BDH1: variants seen among roughly 807,000 people sequenced by gnomAD.
BDH1 encodes D-beta-hydroxybutyrate dehydrogenase, mitochondrial.
Under a neutral mutation model 33.1 loss-of-function variants are expected in BDH1, and 30 were observed. The observed-to-expected ratio is 0.91, with a 90% CI of 0.68 to 1.23. The LOEUF (loss-of-function observed/expected upper bound fraction) is 1.23, where lower values mean the gene tolerates loss of function less well. BDH1 is among the 50% of genes most tolerant of loss of function. The probability of loss-of-function intolerance (pLI) is 0.00; values close to 1 mark genes in which losing one functional copy is unlikely to be tolerated. For synonymous variants in BDH1, 190 were observed against 183.6 expected (o/e 1.03, Z -0.28); for missense variants, 443 against 464.4 (o/e 0.95, Z 0.42).
chr3:197,549,171 C>T (rs556263404), intron 2 of BDH1, among the ~76,000 whole-genome samples: 1 of 152,292 alleles, frequency 6.6e-6, no homozygotes, highest in African/African-American at 2.4e-5. Context: ...CCTGAGGTGA[C>T]TGAGCACAGG....
Position 197,554,839 on chromosome 3 carries a change from G to T in BDH1, c.-195-126C>A, listed in dbSNP as rs548838299. On this transcript the variant is annotated intron_variant, in intron 1 of 7. Coordinates refer to ENST00000392379, the MANE Select transcript of BDH1 (RefSeq NM_203314.3). This position sits in a 1 kb window ranked among gnomAD's most constrained non-coding sequence, Gnocchi z 4.4. ...CGCCCAAGGCGCCTGGGCCGCTAGGGACCGACCGGAGCGCTCAAACCCACA... is the reference window on the plus strand; with the variant it reads ...CGCCCAAGGCGCCTGGGCCGCTAGGTACCGACCGGAGCGCTCAAACCCACA... The T allele has an allele frequency of 6.6e-6, 1 of 152,398 alleles. No individual in the cohort carries two copies. Among genetic ancestry groups the T allele is most frequent in the East Asian group, 1.9e-4 (1 of 5,186 alleles). 9.4% of individuals were successfully genotyped at this position (152,398 alleles called of 1,614,324 possible).
At chr3:197,553,852 T>C (rs1262841616) in intron 2 of BDH1, among the ~76,000 whole-genome samples, 2 of 152,152 alleles carry the variant, frequency 1.3e-5, no homozygotes, top group African/African-American at 4.8e-5. Flanking sequence ...ACAGATTGAG[T>C]GTAGGATATG....
At chr3:197,550,999 T>C (rs1716521005) in intron 2 of BDH1, among the ~76,000 whole-genome samples, 1 of 152,246 alleles carries the variant, frequency 6.6e-6, no homozygotes, top group Non-Finnish European at 1.5e-5. Flanking sequence ...GCATACAATG[T>C]GTAATAATCA....
intron 1 of BDH1, among the ~76,000 whole-genome samples, chr3:197,562,506 T>C (rs1178324462): frequency 6.6e-6 from 1 of 152,178 alleles, no homozygotes; most frequent in Non-Finnish European, 1.5e-5. Flanking sequence ...CCCTGCAACA[T>C]GCAGTGGCCC....
chr3:197,532,228 T>C (rs1004797602), intron 5 of BDH1, among the ~76,000 whole-genome samples, 184 bp downstream of exon 5: 4 of 152,084 alleles, frequency 2.6e-5, no homozygotes, highest in African/African-American at 9.7e-5. Flanking sequence ...GATGGATGGA[T>C]GGATGGATGC....
At position 197,520,881 on chromosome 3, in the gene BDH1, G is replaced by A. The variant is rs1173513936; in HGVS notation, c.409+1759C>T. ...GTTAATTATTAAACAGATGTTCAGC[G>A]AGAACAGAGAACAGAGAGGCCTGTG... On this transcript the variant is annotated intron_variant, in intron 6 of 7. Transcript: ENST00000392379. The surrounding 1 kb of genome is among the most constrained non-coding windows in gnomAD (Gnocchi z 6.0). Among the ~76,000 whole-genome samples, 3 of 152,156 alleles carry A rather than the reference G, an allele frequency of 2.0e-5. No homozygotes were observed. The highest frequency in any genetic ancestry group is 2.4e-5 in the African/African-American group (1 of 41,422).
chr3:197,548,097 G>A (rs1423231660), intron 2 of BDH1, among the ~76,000 whole-genome samples: 1 of 152,252 alleles, frequency 6.6e-6, no homozygotes, highest in Non-Finnish European at 1.5e-5. Flanking sequence ...GAGTCCCTGG[G>A]GAGTGGATGG....
chr3:197,523,008 T>A lies in BDH1; in HGVS notation c.268-227A>T. The A allele has an allele frequency of 3.9e-6, 2 of 514,484 alleles. No homozygotes were observed. The highest frequency in any genetic ancestry group is 6.7e-6 in the Non-Finnish European group (2 of 296,464). 31.9% of individuals were successfully genotyped at this position (514,484 alleles called of 1,614,324 possible). On this transcript the variant is annotated intron_variant, in intron 5 of 7. Coordinates refer to ENST00000392379, the MANE Select transcript of BDH1 (RefSeq NM_203314.3). This position sits in a 1 kb window ranked among gnomAD's most constrained non-coding sequence, Gnocchi z 4.5. ...GCCACAGACACAACCATGAATAGGA[T>A]GAAGAGCCGGCCCCCAAGGCCTCAA...
chr3:197,567,223 CT>C (rs563430201), intron 1 of BDH1, among the ~76,000 whole-genome samples: 1 of 152,112 alleles, frequency 6.6e-6, no homozygotes, highest in Non-Finnish European at 1.5e-5. Context: ...TCCTAAAATG[CT>C]TTCTCCAAAA....
chr3:197,551,979 C>T (rs929965187), intron 2 of BDH1, among the ~76,000 whole-genome samples: 4 of 152,186 alleles, frequency 2.6e-5, no homozygotes, highest in East Asian at 1.9e-4. Context: ...CGCACCATGA[C>T]GAGCACTCAT....
intron 3 of BDH1, among the ~76,000 whole-genome samples, chr3:197,540,972 C>G (rs929030351): frequency 6.6e-6 from 1 of 152,190 alleles, no homozygotes; most frequent in Non-Finnish European, 1.5e-5. Context: ...CTCCAGCTAG[C>G]ATGACAGTGC....
chr3:197,527,822 G>A (rs758420206), intron 5 of BDH1, among the ~76,000 whole-genome samples: 81 of 150,214 alleles, frequency 5.4e-4, no homozygotes, highest in Non-Finnish European at 9.2e-4. Context: ...ACTCCCTCCC[G>A]CACCTCCTTG....
chr3:197,524,800 G>A (rs747692362), intron 5 of BDH1, among the ~76,000 whole-genome samples: 18 of 152,184 alleles, frequency 1.2e-4, no homozygotes, highest in South Asian at 6.2e-4. Flanking sequence ...AGACAATCCC[G>A]GCATTGGACA....
chr3:197,531,838 C>T (rs1053530907), intron 5 of BDH1, among the ~76,000 whole-genome samples: 1 of 152,116 alleles, frequency 6.6e-6, no homozygotes, highest in Non-Finnish European at 1.5e-5. Flanking sequence ...TCCCTTCATG[C>T]ACCTTAAATT....
chr3:197,557,124 G>A (rs908575857), upstream of BDH1, among the ~76,000 whole-genome samples: 40 of 152,254 alleles, frequency 2.6e-4, no homozygotes, highest in Middle Eastern at 3.4e-3. This position sits in a 1 kb window ranked among gnomAD's most constrained non-coding sequence, Gnocchi z 4.6. Flanking sequence ...TCCTTGCTTC[G>A]AGTTGTCCCA....
chr3:197,564,178 T>C (rs1717356998), intron 1 of BDH1, among the ~76,000 whole-genome samples: 1 of 151,596 alleles, frequency 6.6e-6, no homozygotes, highest in Non-Finnish European at 1.5e-5. Context: ...AATAATTTCA[T>C]ATAAGAAAGA....
intron 5 of BDH1, among the ~76,000 whole-genome samples, chr3:197,527,759 C>T (rs1014698341): frequency 1.3e-5 from 2 of 151,984 alleles, no homozygotes; most frequent in African/African-American, 4.8e-5. Context: ...CTCCCTCCCG[C>T]ACCTCCTTGG....
chr3:197,555,405 G>C (rs573159620), intron 1 of BDH1: 2 of 152,470 alleles, frequency 1.3e-5, no homozygotes, highest in Admixed American at 6.5e-5. Flanking sequence ...CCTTCCCTTC[G>C]TGGGGCCTGG....
chr3:197,569,349 G>A (rs551954538), intron 1 of BDH1, among the ~76,000 whole-genome samples: 1 of 152,264 alleles, frequency 6.6e-6, no homozygotes, highest in African/African-American at 2.4e-5. Flanking sequence ...ACAGAAGCTG[G>A]AATGGCTTTG....
Sources: gnomAD v4.1 joint callset for allele counts (sites outside exome capture counted in the v4.1 genomes callset) on GRCh38, gnomAD v4.1.1 for gene constraint, Gnocchi (gnomAD v3.1) non-coding constraint, MANE v1.5 for transcripts, NCBI Gene and HGNC (gene_info 2026-07-23, HGNC 2026-07-21) for gene names.